Variants in NAALADL2 observed in about 807,000 individuals in gnomAD.
NAALADL2 encodes the protein inactive N-acetylated-alpha-linked acidic dipeptidase-like protein 2.
In NAALADL2, 76 loss-of-function variants were observed where a neutral mutation model predicts 87.2. That is an observed-to-expected ratio of 0.87 (90% CI 0.72 to 1.05). The LOEUF (loss-of-function observed/expected upper bound fraction) is 1.05, where lower values mean the gene tolerates loss of function less well. Ranked by LOEUF, NAALADL2 falls within the 50% of genes least tolerant of loss-of-function variation. The pLI is 0.00. For synonymous variants in NAALADL2, 354 were observed against 331.0 expected, an observed-to-expected ratio of 1.07 and a Z score of -0.75; for missense variants, 1,089 against 945.8, an observed-to-expected ratio of 1.15 and a Z score of -1.99.
chr3:174,585,677 A>G (rs1716635506), intron 2 of NAALADL2, among the ~76,000 whole-genome samples: 1 of 151,802 alleles, frequency 6.6e-6, no homozygotes, highest in Non-Finnish European at 1.5e-5. Flanking sequence ...TTTTTTACTT[A>G]AAGAATGACA....
At chr3:175,579,566 A>G (rs1719442381) in intron 10 of NAALADL2, among the ~76,000 whole-genome samples, 1 of 152,196 alleles carries the variant, frequency 6.6e-6, no homozygotes, top group Non-Finnish European at 1.5e-5. Context: ...GGATTTGCCA[A>G]ATGTTAGAAT....
intron 2 of NAALADL2, among the ~76,000 whole-genome samples, chr3:175,190,634 G>A (rs766950142): frequency 3.9e-5 from 6 of 152,108 alleles, no homozygotes; most frequent in Non-Finnish European, 8.8e-5. Flanking sequence ...TACCAGAAGT[G>A]AGGCAGTTAC....
At chr3:174,951,730 G>A (rs533059238) in intron 1 of NAALADL2, among the ~76,000 whole-genome samples, 7 of 152,138 alleles carry the variant, frequency 4.6e-5, no homozygotes, top group Middle Eastern at 3.4e-3. Flanking sequence ...CCTGCAATAT[G>A]TCTAGCAAAA....
In NAALADL2 at chr3:175,133,088, G is replaced by A. The variant is rs534106676; in HGVS notation, c.545+35797G>A. 8.5e-3 allele frequency among the ~76,000 whole-genome samples: 1,280 copies of A among 150,420 alleles called. 22 individuals are homozygous for A. The highest frequency in any genetic ancestry group is 0.03 in the African/African-American group (1,220 of 40,220). Reference sequence around the variant, plus strand: ...GCGCTCCCCACATCCCAGACGGGGCGGCGGGGCAGAGGCGCTCCCCACATC... The same window carrying A: ...GCGCTCCCCACATCCCAGACGGGGCAGCGGGGCAGAGGCGCTCCCCACATC... On this transcript the variant is annotated intron_variant, in intron 2 of 13. Coordinates refer to ENST00000454872, the MANE Select transcript of NAALADL2 (RefSeq NM_207015.3).
At chr3:175,125,026 A>C (rs1178809967) in intron 2 of NAALADL2, among the ~76,000 whole-genome samples, 1 of 151,954 alleles carries the variant, frequency 6.6e-6, no homozygotes, top group Non-Finnish European at 1.5e-5. Context: ...GATCGTATAG[A>C]GTAACACTTT....
chr3:174,516,673 T>G (rs1015253708), intron 1 of NAALADL2, among the ~76,000 whole-genome samples: 5 of 152,126 alleles, frequency 3.3e-5, no homozygotes, highest in African/African-American at 1.2e-4. Context: ...TGTATACTCT[T>G]GTCTAATACA....
At chr3:175,607,300 A>G (rs1232416858) in intron 10 of NAALADL2, among the ~76,000 whole-genome samples, 1 of 152,152 alleles carries the variant, frequency 6.6e-6, no homozygotes, top group East Asian at 1.9e-4. Flanking sequence ...ATTTTATTGT[A>G]TTTTTCTCAG....
rs1426607063 is a variant in NAALADL2, at chr3:174,859,590, G to A, written c.43+140G>A. 8 of 643,968 alleles carry A rather than the reference G, an allele frequency of 1.2e-5. No homozygotes were observed. In the East Asian group the frequency reaches 2.0e-4, roughly 16 times the overall value. The allele number at this position is 643,968 out of a possible 1,614,324, so 39.9% of individuals were successfully genotyped here. ...TCAGGTGCCCTGGCCCTGTTTTTAA[G>A]GTGTTTTCTGCGAGCGAGAAAAGAG... is the stretch of plus-strand genomic sequence containing the variant. On this transcript the variant is annotated intron_variant, in intron 1 of 13. Coordinates refer to ENST00000454872, the MANE Select transcript of NAALADL2 (RefSeq NM_207015.3).
At chr3:175,356,403 A>G (rs1405392446) in intron 5 of NAALADL2, among the ~76,000 whole-genome samples, 1 of 151,800 alleles carries the variant, frequency 6.6e-6, no homozygotes, top group Non-Finnish European at 1.5e-5. Flanking sequence ...GTGAGACCTC[A>G]TTTCTACAAA....
At chr3:174,844,210 G>C (rs1724343051) in intron 3 of NAALADL2, among the ~76,000 whole-genome samples, 1 of 152,090 alleles carries the variant, frequency 6.6e-6, no homozygotes, top group African/African-American at 2.4e-5. Flanking sequence ...GGGAAGAAGG[G>C]TTTTTGTCAT....
At chr3:174,809,068 A>G (rs908382640) in intron 3 of NAALADL2, among the ~76,000 whole-genome samples, 9 of 152,212 alleles carry the variant, frequency 5.9e-5, no homozygotes, top group African/African-American at 2.2e-4. Context: ...CATTTACCCA[A>G]TTAGTACCAG....
chr3:174,526,389 A>G (rs1720749767), intron 1 of NAALADL2, among the ~76,000 whole-genome samples: 1 of 152,174 alleles, frequency 6.6e-6, no homozygotes, highest in African/African-American at 2.4e-5. Flanking sequence ...CAACCTCTTT[A>G]TAGCCCGGTT....
intron 2 of NAALADL2, among the ~76,000 whole-genome samples, chr3:175,109,498 C>T (rs560762266): frequency 4.7e-5 from 7 of 149,208 alleles, no homozygotes; most frequent in African/African-American, 1.5e-4. Flanking sequence ...TTTATATAAA[C>T]AAAATATAAT....
intron 1 of NAALADL2, among the ~76,000 whole-genome samples, chr3:175,023,564 C>T (rs537441303): frequency 2.4e-4 from 37 of 152,028 alleles, no homozygotes; most frequent in Non-Finnish European, 4.6e-4. Context: ...CTCATGGTTT[C>T]GAGGGGCTAT....
At chr3:175,621,541 A>G (rs1165968064) in intron 10 of NAALADL2, among the ~76,000 whole-genome samples, 4 of 152,304 alleles carry the variant, frequency 2.6e-5, no homozygotes, top group South Asian at 4.1e-4. Context: ...TTCCTCAGAA[A>G]ATTCTCCATG....
intron 2 of NAALADL2, among the ~76,000 whole-genome samples, chr3:174,684,462 C>G (rs1727847989): frequency 6.6e-6 from 1 of 151,924 alleles, no homozygotes. Context: ...TTCATTTTTT[C>G]AAGCTAGTTT....
chr3:175,416,683 A>T (rs1162791639), intron 5 of NAALADL2, among the ~76,000 whole-genome samples: 1 of 152,166 alleles, frequency 6.6e-6, no homozygotes, highest in Non-Finnish European at 1.5e-5. Flanking sequence ...TCAAGAACAA[A>T]GTTTTTGTCA....
At chr3:174,768,843 G>A (rs555202) in intron 3 of NAALADL2, among the ~76,000 whole-genome samples, 125,917 of 151,958 alleles carry the variant, frequency 0.83, 52,519 homozygotes, top group African/African-American at 0.91. Context: ...GTGCTTGCTT[G>A]TATCTCTATT....
intron 2 of NAALADL2, among the ~76,000 whole-genome samples, chr3:174,733,162 A>C (rs573400515): frequency 6.6e-6 from 1 of 152,182 alleles, no homozygotes; most frequent in Admixed American, 6.5e-5. Context: ...TTGGTGTGAC[A>C]CTTAAGTGAG....
Sources: allele counts gnomAD v4.1 joint callset (sites outside exome capture counted in the v4.1 genomes callset), GRCh38; gene constraint gnomAD v4.1.1; transcripts MANE v1.5; gene names NCBI Gene and HGNC (gene_info 2026-07-23, HGNC 2026-07-21).